Variants in CDH18 observed in about 807,000 individuals in gnomAD.
CDH18 encodes the protein cadherin 18, also known as cadherin-18.
In CDH18, 31 loss-of-function variants were observed where a neutral mutation model predicts 67.9. That is an observed-to-expected ratio of 0.46 (90% confidence interval 0.34 to 0.62). The LOEUF (loss-of-function observed/expected upper bound fraction) is 0.62, where lower values mean the gene tolerates loss of function less well. Among genes scored for constraint, CDH18 ranks in the 20% least tolerant of loss-of-function variants. The probability of loss-of-function intolerance (pLI) is 0.01; values close to 1 mark genes in which losing one functional copy is unlikely to be tolerated. For synonymous variants in CDH18, 362 were observed against 347.2 expected, an observed-to-expected ratio of 1.04 and a Z score of -0.48; for missense variants, 890 against 975.5, an observed-to-expected ratio of 0.91 and a Z score of 1.17.
At chr5:19,936,401 T>C (rs1177793627) in intron 2 of CDH18, among the ~76,000 whole-genome samples, 1 of 151,286 alleles carries the variant, frequency 6.6e-6, no homozygotes, top group East Asian at 1.9e-4. Context: ...ATGGGAATGT[T>C]CAAACAGAAA....
intron 2 of CDH18, among the ~76,000 whole-genome samples, chr5:20,215,026 AGGACATGAAC>A (rs1289578323): frequency 2.0e-5 from 3 of 152,100 alleles, no homozygotes; most frequent in African/African-American, 7.2e-5. Flanking sequence ...AAGTTGGCAA[AGGACATGAAC>A]GGACACTTTT....
intron 2 of CDH18, among the ~76,000 whole-genome samples, chr5:20,246,998 T>C (rs1463156444): frequency 6.6e-6 from 1 of 152,162 alleles, no homozygotes; most frequent in Non-Finnish European, 1.5e-5. Flanking sequence ...TTCCTCATGC[T>C]CAGCTCACCC....
chr5:20,506,762 T>C (rs1754686808), intron 1 of CDH18, among the ~76,000 whole-genome samples: 1 of 152,248 alleles, frequency 6.6e-6, no homozygotes. Flanking sequence ...GTACTGCTAA[T>C]TTTTTATTTC....
intron 3 of CDH18, among the ~76,000 whole-genome samples, chr5:19,796,578 G>A (rs1177937668): frequency 6.6e-6 from 1 of 152,024 alleles, no homozygotes; most frequent in Non-Finnish European, 1.5e-5. Flanking sequence ...TTGGCTAAAG[G>A]GAGTTCTTCA....
At chr5:20,485,882 C>A (rs994462456) in intron 1 of CDH18, among the ~76,000 whole-genome samples, 2 of 151,968 alleles carry the variant, frequency 1.3e-5, no homozygotes. Flanking sequence ...AATATTTAAA[C>A]CAGGCTATTT....
intron 2 of CDH18, among the ~76,000 whole-genome samples, chr5:19,859,989 GGTGT>G (rs3065070): frequency 5.0e-4 from 72 of 143,244 alleles, no homozygotes; most frequent in Admixed American, 2.7e-3. Context: ...GTTTGCTTTG[GGTGT>G]GTGTGTGTGT....
intron 2 of CDH18, among the ~76,000 whole-genome samples, chr5:20,090,189 T>A (rs1745300238): frequency 6.6e-6 from 1 of 152,186 alleles, no homozygotes; most frequent in South Asian, 2.1e-4. Flanking sequence ...TTTGCATTTT[T>A]TAATGGCTTT....
At chr5:19,599,895 C>G (rs1561440388) in intron 6 of CDH18, among the ~76,000 whole-genome samples, 1 of 151,930 alleles carries the variant, frequency 6.6e-6, no homozygotes, top group African/African-American at 2.4e-5. Flanking sequence ...TCAATAAAAA[C>G]AAGACAAAAA....
At chr5:20,529,375 G>C (rs904860595) in intron 1 of CDH18, among the ~76,000 whole-genome samples, 3 of 150,956 alleles carry the variant, frequency 2.0e-5, no homozygotes, top group African/African-American at 7.3e-5. Context: ...AATCGAAAAG[G>C]GGAACTCCTT....
intron 10 of CDH18, among the ~76,000 whole-genome samples, chr5:19,505,092 T>A (rs1743888117): frequency 6.6e-6 from 1 of 152,132 alleles, no homozygotes; most frequent in Non-Finnish European, 1.5e-5. Flanking sequence ...CAAATGCGAA[T>A]TAAACAGAAA....
At chr5:20,225,626 T>C (rs745878804) in intron 2 of CDH18, among the ~76,000 whole-genome samples, 36 of 152,058 alleles carry the variant, frequency 2.4e-4, no homozygotes, top group Non-Finnish European at 5.0e-4. Flanking sequence ...ATGAAGAAAC[T>C]TGGAGTTGGC....
In CDH18 at chr5:19,701,710, G is replaced by C. The variant is rs74586255; in HGVS notation, c.643+19637C>G. Among the ~76,000 whole-genome samples, 1,155 of 152,134 alleles carry C rather than the reference G, an allele frequency of 7.6e-3. 15 individuals carry two copies. The highest frequency in any genetic ancestry group is 0.026 in the African/African-American group (1,078 of 41,508). Reference sequence around the variant, plus strand: ...AAATTGATTTATGACTGGGCAAGCAGGGGACAAGTTTCTTCTCAGCTCTCC... The same window carrying C: ...AAATTGATTTATGACTGGGCAAGCACGGGACAAGTTTCTTCTCAGCTCTCC... On this transcript the variant is annotated intron_variant, in intron 5 of 12. Transcript: ENST00000382275.
At chr5:19,567,942 C>T (rs374142329) in intron 8 of CDH18, among the ~76,000 whole-genome samples, 25 of 152,230 alleles carry the variant, frequency 1.6e-4, no homozygotes, top group East Asian at 1.5e-3. Context: ...ATTGAAAGTA[C>T]ACATTGAAAC....
At chr5:19,967,916 T>C (rs1473630498) in intron 2 of CDH18, among the ~76,000 whole-genome samples, 1 of 151,994 alleles carries the variant, frequency 6.6e-6, no homozygotes, top group Non-Finnish European at 1.5e-5. Flanking sequence ...TGTCTGCAGA[T>C]GACATGATTG....
chr5:20,203,770 T>A (rs543601101), intron 2 of CDH18, among the ~76,000 whole-genome samples: 4 of 150,422 alleles, frequency 2.7e-5, no homozygotes. Flanking sequence ...AATGGAAAAA[T>A]AAGAAACCAA....
chr5:20,281,325 G>A (rs1746254743), intron 1 of CDH18, among the ~76,000 whole-genome samples: 1 of 152,148 alleles, frequency 6.6e-6, no homozygotes, highest in Non-Finnish European at 1.5e-5. Context: ...TTCTTCTAGG[G>A]ATTTTATGGT....
chr5:20,333,002 GGA>G (rs1471566432), intron 1 of CDH18, among the ~76,000 whole-genome samples: 1 of 152,016 alleles, frequency 6.6e-6, no homozygotes, highest in African/African-American at 2.4e-5. Context: ...ACACAGACAT[GGA>G]GAGAACATGC....
chr5:20,296,064 C>CG (rs1292472113), intron 1 of CDH18, among the ~76,000 whole-genome samples: 1 of 150,818 alleles, frequency 6.6e-6, no homozygotes, highest in Non-Finnish European at 1.5e-5. Flanking sequence ...TTAGTAGAGA[C>CG]GGGGTTTCGC....
chr5:19,625,909 CT>C (rs1352842200), intron 5 of CDH18, among the ~76,000 whole-genome samples: 1 of 152,108 alleles, frequency 6.6e-6, no homozygotes, highest in Non-Finnish European at 1.5e-5. Context: ...AAGAGAGTCC[CT>C]TTTCCCCCCT....
Sources: gnomAD v4.1 joint callset for allele counts (sites outside exome capture counted in the v4.1 genomes callset) on GRCh38, gnomAD v4.1.1 for gene constraint, MANE v1.5 for transcripts, NCBI Gene and HGNC (gene_info 2026-07-23, HGNC 2026-07-21) for gene names.